Variants in CACYBP observed in about 807,000 individuals in gnomAD.
CACYBP encodes the protein calcyclin-binding protein.
In CACYBP, 11 loss-of-function variants were observed where a neutral mutation model predicts 29.6. The ratio of observed to expected loss-of-function variants is 0.37; its 90% CI spans 0.23 to 0.61. The LOEUF (loss-of-function observed/expected upper bound fraction) is 0.61. Among genes scored for constraint, CACYBP ranks in the 20% least tolerant of loss-of-function variants. The pLI, the probability that CACYBP is intolerant of heterozygous loss-of-function variation, is 0.65. For synonymous variants in CACYBP, 73 were observed against 88.3 expected (o/e 0.83, Z 0.97); for missense variants, 163 against 260.7 (o/e 0.63, Z 2.58).
In CACYBP at chr1:175,010,103, T is replaced by C. The variant is rs1211483346; in HGVS notation, c.*24T>C. 1 of 1,600,352 alleles carries C rather than the reference T, an allele frequency of 6.2e-7. No homozygotes were observed. Among genetic ancestry groups the C allele is most frequent in the Non-Finnish European group, 8.5e-7 (1 of 1,171,160 alleles). On this transcript the variant is annotated 3_prime_UTR_variant, in exon 6 of 6. Transcript: ENST00000367679. ...GAGACTTTAAAGTCGTTTTGGGAAC[T>C]GTGATGTGATGTGGAAATACTGATG...
chr1:175,000,074 G>A lies in CACYBP; in HGVS notation c.-107G>A, dbSNP rs1035990277. The A allele has an allele frequency of 6.9e-7, 1 of 1,453,936 alleles. No homozygotes were observed. The highest frequency in any genetic ancestry group is 1.4e-5 in the African/African-American group (1 of 70,584). 90.1% of individuals were successfully genotyped at this position (1,453,936 alleles called of 1,614,324 possible). A position where few individuals can be genotyped will look rare whatever the true frequency, so the allele number is the denominator to read the frequency against. ...GTGTGGGCGCAGGCTGCAGCGCCGC[G>A]ACTCGTGCGGGTAGGCGTCTGCGCT... is the stretch of plus-strand genomic sequence containing the variant. On this transcript the variant is annotated 5_prime_UTR_variant, in exon 1 of 6. Coordinates refer to ENST00000367679, the MANE Select transcript of CACYBP (RefSeq NM_014412.3).
intron 1 of CACYBP, among the ~76,000 whole-genome samples, chr1:175,001,747 C>T (rs1163665260): frequency 1.3e-5 from 2 of 152,132 alleles, no homozygotes; most frequent in Non-Finnish European, 2.9e-5. Flanking sequence ...CATTTATTTC[C>T]ACTTCTTTGT....
intron 1 of CACYBP, 99 bp downstream of exon 1, chr1:175,000,294 G>A: frequency 6.6e-7 from 1 of 1,523,216 alleles, no homozygotes; most frequent in African/African-American, 1.4e-5. Context: ...CCGCCCTGCG[G>A]CCACCCGGTC....
chr1:174,999,893 G>A, upstream of CACYBP: 1 of 529,432 alleles, frequency 1.9e-6, no homozygotes, highest in Non-Finnish European at 3.3e-6. Context: ...GGCGGGGCGG[G>A]GAGGGGTGGG....
chr1:175,000,223 TG>T, intron 1 of CACYBP, 28 bp downstream of exon 1: 1 of 1,595,688 alleles, frequency 6.3e-7, no homozygotes, highest in Non-Finnish European at 8.5e-7. Flanking sequence ...ATATTCCTTA[TG>T]CCCCCCGGCT....
chr1:175,005,707 C>G lies in CACYBP; in HGVS notation c.235+874C>G, dbSNP rs575719514. 2.0e-5 allele frequency among the ~76,000 whole-genome samples: 3 copies of G among 152,258 alleles called. No homozygotes were observed. The East Asian group carries it at 5.8e-4, about 29-fold the overall frequency. ...GTAATATAGGAAATTGCACCGTGTA[C>G]TCAGTTGAGTATAGGAAACTGGTCT... On this transcript the variant is annotated intron_variant, in intron 2 of 5. Transcript: ENST00000367679.
At chr1:175,003,985 C>T (rs988993247) in intron 1 of CACYBP, among the ~76,000 whole-genome samples, 11 of 152,172 alleles carry the variant, frequency 7.2e-5, no homozygotes, top group African/African-American at 2.7e-4. Flanking sequence ...CAACCAACTC[C>T]TACACTTCTG....
rs1385912900 is a variant in CACYBP at position 175,011,338 on chromosome 1, T to C, written c.*1259T>C. 6.6e-6 allele frequency: 1 copy of C among 152,086 alleles called. No homozygotes were observed. The highest frequency in any genetic ancestry group is 1.5e-5 in the Non-Finnish European group (1 of 68,030). 9.4% of individuals were successfully genotyped at this position (152,086 alleles called of 1,614,324 possible). The stretch of plus-strand genomic sequence containing the variant: ...CACAATGCATATGAAAGTTACAGAA[T>C]ATGGTAAAAGTGGGGTAAAGATGGG... On this transcript the variant is annotated 3_prime_UTR_variant, in exon 6 of 6. Coordinates refer to ENST00000367679, the MANE Select transcript of CACYBP (RefSeq NM_014412.3).
intron 1 of CACYBP, among the ~76,000 whole-genome samples, chr1:175,002,639 A>G (rs1430221273): frequency 6.6e-6 from 1 of 152,242 alleles, no homozygotes; most frequent in East Asian, 1.9e-4. Context: ...GACATCTTAA[A>G]GTATTTGTGC....
At position 175,010,854 on chromosome 1, in the gene CACYBP, T is replaced by C. The variant is rs1219476738; in HGVS notation, c.*775T>C. The C allele has an allele frequency of 6.6e-6, 1 of 152,204 alleles. No individual in the cohort carries two copies. Among genetic ancestry groups the C allele is most frequent in the Non-Finnish European group, 1.5e-5 (1 of 68,038 alleles). The allele number at this position is 152,204 out of a possible 1,614,324, so 9.4% of individuals were successfully genotyped here. A position where few individuals can be genotyped will look rare whatever the true frequency, so the allele number is the denominator to read the frequency against. Reference sequence around the variant, plus strand: ...GAGTATGTCAGAAAAATCAGGCTTTTAGTAGGAATTACTCCTATTCCCCCT... The same window carrying C: ...GAGTATGTCAGAAAAATCAGGCTTTCAGTAGGAATTACTCCTATTCCCCCT... On this transcript the variant is annotated 3_prime_UTR_variant, in exon 6 of 6. Coordinates refer to ENST00000367679, the MANE Select transcript of CACYBP (RefSeq NM_014412.3).
chr1:174,999,870 C>T, upstream of CACYBP: 1 of 468,114 alleles, frequency 2.1e-6, no homozygotes, highest in Non-Finnish European at 3.6e-6. Flanking sequence ...GGCAGGCGGG[C>T]GGAGCCAGAC....
intron 1 of CACYBP, among the ~76,000 whole-genome samples, chr1:175,003,117 G>GT (rs1672531206): frequency 7.7e-6 from 1 of 130,202 alleles, no homozygotes; most frequent in Non-Finnish European, 1.6e-5. Flanking sequence ...GGGCAGAGTT[G>GT]ATTTTTTTTT....
chr1:175,001,053 C>A (rs1033534167), intron 1 of CACYBP, among the ~76,000 whole-genome samples: 1 of 152,174 alleles, frequency 6.6e-6, no homozygotes, highest in African/African-American at 2.4e-5. Context: ...TGGGGAGTCC[C>A]AAGCTTTTGT....
intron 1 of CACYBP, chr1:175,000,459 A>T: frequency 4.4e-6 from 6 of 1,371,736 alleles, no homozygotes; most frequent in Non-Finnish European, 5.6e-6. Context: ...CGGTGCGGGG[A>T]GTGGGTCTGG....
intron 1 of CACYBP, among the ~76,000 whole-genome samples, chr1:175,003,359 T>G (rs1347343054): frequency 6.6e-6 from 1 of 152,188 alleles, no homozygotes; most frequent in Non-Finnish European, 1.5e-5. Context: ...CCTCAAGTGA[T>G]CCACCCGCTT....
rs1480568278 is a variant in CACYBP at position 175,011,663 on chromosome 1, A to G, written c.*1584A>G. On this transcript the variant is annotated 3_prime_UTR_variant, in exon 6 of 6. Coordinates refer to ENST00000367679, the MANE Select transcript of CACYBP (RefSeq NM_014412.3). ...AATGTAAATGACCTTTAACATGTAA[A>G]GATGCTCACCTTGTTCAGAAGAGAA... 1 of 152,252 alleles carries G rather than the reference A, an allele frequency of 6.6e-6. No individual in the cohort carries two copies. Among genetic ancestry groups the G allele is most frequent in the Non-Finnish European group, 1.5e-5 (1 of 68,046 alleles). 9.4% of individuals were successfully genotyped at this position (152,252 alleles called of 1,614,324 possible).
intron 5 of CACYBP, among the ~76,000 whole-genome samples, chr1:175,009,175 C>G (rs989843373): frequency 6.6e-6 from 1 of 152,156 alleles, no homozygotes; most frequent in Admixed American, 6.5e-5. Flanking sequence ...AGGCCCAGAT[C>G]TGTGTATCTC....
chr1:175,006,804 G>A lies in CACYBP; in HGVS notation c.295G>A (p.Val99Ile), dbSNP rs1325883746. 8 of 1,602,368 alleles carry A rather than the reference G, an allele frequency of 5.0e-6. No individual in the cohort carries two copies. In the East Asian group the frequency reaches 1.6e-4, roughly 31 times the overall value. Reference protein sequence around the residue: ...IYITLTGVHQVPTENVQVHFT... With the variant: ...IYITLTGVHQIPTENVQVHFT... ...CATTACCTTAACTGGAGTTCATCAA[G>A]TTCCCACTGAGAATGTGCAGGTGCA... is the stretch of plus-strand genomic sequence containing the variant. The change falls in exon 3 of 6, where the codon GTT (valine) becomes ATT (isoleucine). Residue 99 changes from valine (V) to isoleucine (I), a missense_variant. Physicochemically the swap from Val to Ile is conservative, Grantham distance 29. Coordinates refer to ENST00000367679, the MANE Select transcript of CACYBP (RefSeq NM_014412.3).
chr1:175,008,808 G>A lies in CACYBP; in HGVS notation c.530+102G>A, dbSNP rs1672679683. Reference sequence around the variant, plus strand: ...GGATAATGTATTTCTGCTTTCAACTGTCAAACTACCTGAAGAGGGCACGTC... The same window carrying A: ...GGATAATGTATTTCTGCTTTCAACTATCAAACTACCTGAAGAGGGCACGTC... On this transcript the variant is annotated intron_variant, in intron 5 of 5. Transcript: ENST00000367679. 26 of 693,406 alleles carry A rather than the reference G, an allele frequency of 3.7e-5. 1 individual carries two copies. In the South Asian group the frequency reaches 4.3e-4, roughly 11 times the overall value. 43.0% of individuals were successfully genotyped at this position (693,406 alleles called of 1,614,324 possible). A position where few individuals can be genotyped will look rare whatever the true frequency, so the allele number is the denominator to read the frequency against.
Sources: allele counts gnomAD v4.1 joint callset (sites outside exome capture counted in the v4.1 genomes callset), GRCh38; gene constraint gnomAD v4.1.1; transcripts MANE v1.5; gene names NCBI Gene and HGNC (gene_info 2026-07-23, HGNC 2026-07-21).